Variants in UBE2R2 observed in about 807,000 individuals in gnomAD.
UBE2R2 encodes ubiquitin-conjugating enzyme E2 R2.
UBE2R2 carries 1 observed loss-of-function variant against 27.8 expected under a neutral mutation model. The ratio of observed to expected loss-of-function variants is 0.04; its 90% CI spans 0.01 to 0.17. The LOEUF is 0.17. Ranked by LOEUF, UBE2R2 falls within the 10% of genes least tolerant of loss-of-function variation. UBE2R2 has a pLI of 1.00. For synonymous variants in UBE2R2, 106 were observed against 113.3 expected (o/e 0.94, Z 0.41); for missense variants, 100 against 291.0 (o/e 0.34, Z 4.78).
chr9:33,828,559 G>A (rs1001791242), intron 1 of UBE2R2, among the ~76,000 whole-genome samples: 3 of 150,652 alleles, frequency 2.0e-5, no homozygotes, highest in Non-Finnish European at 4.4e-5. Flanking sequence ...GCTAATTTTT[G>A]TTATTTATTT....
At chr9:33,893,620 T>A (rs150496410) in intron 2 of UBE2R2, among the ~76,000 whole-genome samples, 3 of 152,102 alleles carry the variant, frequency 2.0e-5, no homozygotes, top group Admixed American at 2.0e-4. Context: ...AATTCTATGT[T>A]TAACTTTTTA....
At chr9:33,880,484 A>G (rs1821710110) in intron 1 of UBE2R2, among the ~76,000 whole-genome samples, 1 of 152,176 alleles carries the variant, frequency 6.6e-6, no homozygotes, top group Non-Finnish European at 1.5e-5. Flanking sequence ...TGGCCAAAGA[A>G]TATGCTATGT....
rs556992509 is a variant in UBE2R2 at position 33,919,642 on chromosome 9, A to AGACT, written c.*2412_*2415dup. The AGACT allele has an allele frequency of 1.3e-5, 2 of 152,200 alleles. No homozygotes were observed. Among genetic ancestry groups the AGACT allele is most frequent in the Admixed American group, 1.3e-4 (2 of 15,284 alleles). The allele number at this position is 152,200 out of a possible 1,614,324, so 9.4% of individuals were successfully genotyped here. A position where few individuals can be genotyped will look rare whatever the true frequency, so the allele number is the denominator to read the frequency against. ...TAGCAGGTGGACATTCTGGTATTTTAGACTGACTGAACGAAACCCAGAGGC... is the reference window on the plus strand; with the variant it reads ...TAGCAGGTGGACATTCTGGTATTTTAGACTGACTGACTGAACGAAACCCAGAGGC... On this transcript the variant is annotated 3_prime_UTR_variant, in exon 5 of 5. Transcript: ENST00000263228.
Position 33,886,979 on chromosome 9 carries a change from T to C in UBE2R2, c.264+12T>C, listed in dbSNP as rs1238824655. ...CCAACATTTATGAGGTAAGGAGACA[T>C]CCATCATAAATTTCTCTGAAGATTT... On this transcript the variant is annotated intron_variant, in intron 2 of 4. Transcript: ENST00000263228. The C allele has an allele frequency of 6.3e-7, 1 of 1,577,650 alleles. No individual in the cohort carries two copies.
intron 1 of UBE2R2, among the ~76,000 whole-genome samples, chr9:33,838,345 G>C (rs1433413727): frequency 2.7e-5 from 4 of 147,474 alleles, no homozygotes; most frequent in Non-Finnish European, 5.9e-5. Flanking sequence ...AGGGCCTACT[G>C]TGTATACGTA....
chr9:33,834,638 C>T (rs536407961), intron 1 of UBE2R2, among the ~76,000 whole-genome samples: 4 of 151,998 alleles, frequency 2.6e-5, no homozygotes, highest in East Asian at 3.9e-4. Flanking sequence ...AGACCTCGCA[C>T]GGTGGCTCAC....
chr9:33,906,629 G>A (rs1822362165), intron 3 of UBE2R2, among the ~76,000 whole-genome samples: 1 of 152,098 alleles, frequency 6.6e-6, no homozygotes, highest in South Asian at 2.1e-4. Context: ...CCCTGTTAAA[G>A]TTATGCTTAT....
intron 1 of UBE2R2, among the ~76,000 whole-genome samples, chr9:33,850,862 C>G (rs2130753083): frequency 6.6e-6 from 1 of 152,298 alleles, no homozygotes; most frequent in East Asian, 1.9e-4. Context: ...TTGTTTACTT[C>G]CTATGGTTAC....
In UBE2R2 at chr9:33,917,202, T is replaced by TATGATG; in HGVS notation, c.691_696dup (p.Asp231_Asp232dup). The TATGATG allele has an allele frequency of 6.2e-7, 1 of 1,614,152 alleles. No homozygotes were observed. Among genetic ancestry groups the TATGATG allele is most frequent in the East Asian group, 2.2e-5 (1 of 44,882 alleles). On this transcript the variant is annotated inframe_insertion, in exon 5 of 5. Transcript: ENST00000263228. ...TGAGGAGGAGGAAGATGCCGACTGTTATGATGATGATGATTCTGGGAATGA... is the reference window on the plus strand; with the variant it reads ...TGAGGAGGAGGAAGATGCCGACTGTTATGATGATGATGATGATGATTCTGGGAATGA...
chr9:33,877,131 A>G (rs1821621490), intron 1 of UBE2R2, among the ~76,000 whole-genome samples: 1 of 151,236 alleles, frequency 6.6e-6, no homozygotes, highest in Non-Finnish European at 1.5e-5. Context: ...AAAAAAAACT[A>G]CTTCTAGAAT....
chr9:33,874,941 T>C (rs1393715235), intron 1 of UBE2R2, among the ~76,000 whole-genome samples: 1 of 152,136 alleles, frequency 6.6e-6, no homozygotes, highest in Non-Finnish European at 1.5e-5. Context: ...GTGCTGGGAT[T>C]ATAGGCATGA....
rs898984173 is a variant in UBE2R2, at chr9:33,919,788, T to G, written c.*2551T>G. 1 of 152,082 alleles carries G rather than the reference T, an allele frequency of 6.6e-6. No individual in the cohort carries two copies. The highest frequency in any genetic ancestry group is 2.4e-5 in the African/African-American group (1 of 41,402). The allele number at this position is 152,082 out of a possible 1,614,324, so 9.4% of individuals were successfully genotyped here. On this transcript the variant is annotated 3_prime_UTR_variant, in exon 5 of 5. Transcript: ENST00000263228. ...CAATCCGGAACCATGTACGTACAGT[T>G]TTGCTTATTATTTGATGTGACATGA...
intron 1 of UBE2R2, among the ~76,000 whole-genome samples, chr9:33,876,745 C>T (rs1217879026): frequency 6.6e-6 from 1 of 152,070 alleles, no homozygotes; most frequent in East Asian, 1.9e-4. Context: ...GAAACCCCGT[C>T]TCTACTAAAA....
Position 33,827,524 on chromosome 9 carries a change from C to A in UBE2R2, c.177+9590C>A, listed in dbSNP as rs530784760. ...GGTGTGGTGGCGCACGCCTGAAATC[C>A]CAGCTACTTGGGAGGCTCAGGCAGG... On this transcript the variant is annotated intron_variant, in intron 1 of 4. Coordinates refer to ENST00000263228, the MANE Select transcript of UBE2R2 (RefSeq NM_017811.4). Among the ~76,000 whole-genome samples the A allele has an allele frequency of 2.6e-5, 4 of 152,000 alleles. No individual in the cohort carries two copies. In the East Asian group the frequency reaches 7.7e-4, roughly 29 times the overall value.
At position 33,823,839 on chromosome 9, in the gene UBE2R2, T is replaced by C. The variant is rs141350360; in HGVS notation, c.177+5905T>C. 3.7e-4 allele frequency among the ~76,000 whole-genome samples: 57 copies of C among 152,334 alleles called. No individual in the cohort carries two copies. In the East Asian group the frequency reaches 8.9e-3, roughly 24 times the overall value. On this transcript the variant is annotated intron_variant, in intron 1 of 4. Transcript: ENST00000263228. ...AGCTAAGAATCCTCTTGTAAGGTAT[T>C]TGGATAGGCAACTTAAAGACAATTT...
intron 2 of UBE2R2, among the ~76,000 whole-genome samples, chr9:33,897,138 G>A (rs1822128827): frequency 7.3e-6 from 1 of 137,204 alleles, no homozygotes; most frequent in East Asian, 2.4e-4. Flanking sequence ...CTGGGTTCAC[G>A]CCATTCTCTT....
intron 3 of UBE2R2, among the ~76,000 whole-genome samples, chr9:33,904,147 T>G (rs952829111): frequency 3.3e-5 from 5 of 152,210 alleles, no homozygotes; most frequent in Non-Finnish European, 7.3e-5. Flanking sequence ...TCCCTTTTGT[T>G]TCTGTGTTCA....
At chr9:33,840,805 G>T (rs1348938144) in intron 1 of UBE2R2, among the ~76,000 whole-genome samples, 1 of 151,954 alleles carries the variant, frequency 6.6e-6, no homozygotes, top group Non-Finnish European at 1.5e-5. Flanking sequence ...TTATCCAGTG[G>T]CACAGTTATA....
intron 1 of UBE2R2, among the ~76,000 whole-genome samples, chr9:33,848,644 T>TG (rs1162079137): frequency 6.6e-6 from 1 of 151,746 alleles, no homozygotes; most frequent in East Asian, 1.9e-4. Flanking sequence ...TGTTGTAGCC[T>TG]GGGCTGGAGT....
Sources: allele counts gnomAD v4.1 joint callset (sites outside exome capture counted in the v4.1 genomes callset), GRCh38; gene constraint gnomAD v4.1.1; transcripts MANE v1.5; gene names NCBI Gene and HGNC (gene_info 2026-07-23, HGNC 2026-07-21).